The following CAMKMT variants were observed in gnomAD, a reference collection of about 807,000 sequenced individuals.
CAMKMT encodes the protein CaM KMT.
A neutral mutation model predicts 48.0 loss-of-function variants in CAMKMT; 53 were observed. The observed-to-expected ratio is 1.10, with a 90% CI of 0.89 to 1.39. The LOEUF (loss-of-function observed/expected upper bound fraction) is 1.39, where lower values mean the gene tolerates loss of function less well. Among genes scored for constraint, CAMKMT ranks in the 40% most tolerant of loss-of-function variants. CAMKMT has a pLI of 0.00. For synonymous variants in CAMKMT, 165 were observed against 152.3 expected (o/e 1.08, Z -0.61); for missense variants, 428 against 402.7 (o/e 1.06, Z -0.54).
At chr2:44,711,066 T>G (rs1197443775) in intron 6 of CAMKMT, among the ~76,000 whole-genome samples, 3 of 152,128 alleles carry the variant, frequency 2.0e-5, no homozygotes, top group African/African-American at 7.2e-5. Context: ...ATCCCTGACT[T>G]GAGTAACTAA....
chr2:44,433,897 A>G (rs972004947), intron 3 of CAMKMT, among the ~76,000 whole-genome samples: 4 of 152,138 alleles, frequency 2.6e-5, no homozygotes, highest in Non-Finnish European at 4.4e-5. Context: ...TACCAAATAC[A>G]TTCATCTGTC....
intron 3 of CAMKMT, among the ~76,000 whole-genome samples, chr2:44,411,231 A>G (rs1207535526): frequency 1.3e-5 from 2 of 152,292 alleles, no homozygotes; most frequent in Admixed American, 6.5e-5. Flanking sequence ...TATTTTTGTG[A>G]GTAATATTCT....
chr2:44,551,637 G>A (rs1667721377), intron 3 of CAMKMT, among the ~76,000 whole-genome samples: 1 of 152,136 alleles, frequency 6.6e-6, no homozygotes, highest in South Asian at 2.1e-4. Flanking sequence ...CTATACCAAA[G>A]TATGCTTTTT....
intron 3 of CAMKMT, among the ~76,000 whole-genome samples, chr2:44,531,434 C>T (rs1025031881): frequency 6.6e-6 from 1 of 152,106 alleles, no homozygotes. Context: ...TTTTAAGGTT[C>T]TTTAAATATC....
At chr2:44,710,116 A>C (rs890409718) in intron 6 of CAMKMT, among the ~76,000 whole-genome samples, 4 of 151,826 alleles carry the variant, frequency 2.6e-5, no homozygotes. Flanking sequence ...TTAAAAAAAA[A>C]AACAGCATTT....
At position 44,505,172 on chromosome 2, in the gene CAMKMT, T is replaced by C. The variant is rs538865271; in HGVS notation, c.376+114867T>C. Among the ~76,000 whole-genome samples the C allele has an allele frequency of 2.6e-5, 4 of 152,282 alleles. No homozygotes were observed. The East Asian group carries it at 7.7e-4, about 29-fold the overall frequency. ...CCCACCTCCAACACTGGGGATCAGA[T>C]TTCAACATGAGATTTGGAGGGGTCA... On this transcript the variant is annotated intron_variant, in intron 3 of 10. Transcript: ENST00000378494.
chr2:44,589,909 G>C (rs61579727), intron 3 of CAMKMT, among the ~76,000 whole-genome samples: 4 of 58,170 alleles, frequency 6.9e-5, no homozygotes, highest in Admixed American at 2.0e-4. Context: ...AAAAAAAAAA[G>C]AACGAAAAAA....
chr2:44,728,529 G>C (rs962722798), intron 7 of CAMKMT, among the ~76,000 whole-genome samples: 3 of 152,184 alleles, frequency 2.0e-5, no homozygotes, highest in Non-Finnish European at 4.4e-5. Context: ...GCAGAATTCA[G>C]CTGTGAATCC....
chr2:44,700,623 A>T (rs904969437), intron 3 of CAMKMT, among the ~76,000 whole-genome samples: 2 of 152,212 alleles, frequency 1.3e-5, no homozygotes, highest in African/African-American at 4.8e-5. Flanking sequence ...AGATTTATTG[A>T]TTAAGTTTGC....
chr2:44,440,541 T>C (rs1666587065), intron 3 of CAMKMT, among the ~76,000 whole-genome samples: 2 of 152,168 alleles, frequency 1.3e-5, no homozygotes, highest in African/African-American at 4.8e-5. Flanking sequence ...ACTAACTCTA[T>C]GGCTTTTTAA....
intron 3 of CAMKMT, among the ~76,000 whole-genome samples, chr2:44,409,861 C>T (rs999690715): frequency 6.6e-6 from 1 of 151,922 alleles, no homozygotes; most frequent in African/African-American, 2.4e-5. Flanking sequence ...TTCAGTTAAC[C>T]AATATTTACC....
intron 3 of CAMKMT, among the ~76,000 whole-genome samples, chr2:44,701,581 T>A (rs1045395610): frequency 2.6e-5 from 4 of 152,166 alleles, no homozygotes; most frequent in Non-Finnish European, 5.9e-5. Context: ...GAGAAAACCA[T>A]AGGTTGGGAA....
At chr2:44,542,230 G>A (rs1667152496) in intron 3 of CAMKMT, among the ~76,000 whole-genome samples, 1 of 151,908 alleles carries the variant, frequency 6.6e-6, no homozygotes, top group South Asian at 2.1e-4. Flanking sequence ...ATACTGTTTG[G>A]TGCTTAAGGA....
intron 7 of CAMKMT, among the ~76,000 whole-genome samples, chr2:44,736,888 T>C (rs1294224384): frequency 6.6e-6 from 1 of 152,220 alleles, no homozygotes; most frequent in African/African-American, 2.4e-5. Flanking sequence ...TACCTGATTC[T>C]TAGAATATAT....
At chr2:44,715,440 C>T in intron 7 of CAMKMT, 87 bp downstream of exon 7, 2 of 957,504 alleles carry the variant, frequency 2.1e-6, no homozygotes, top group Non-Finnish European at 3.3e-6. Context: ...TAATAGCTAA[C>T]ATTTATTGAG....
intron 3 of CAMKMT, among the ~76,000 whole-genome samples, chr2:44,679,004 T>A (rs1675872349): frequency 6.6e-6 from 1 of 152,198 alleles, no homozygotes; most frequent in South Asian, 2.1e-4. Flanking sequence ...GTTAAGTTGA[T>A]TTGGTCCCAA....
intron 8 of CAMKMT, among the ~76,000 whole-genome samples, chr2:44,747,382 G>C (rs188076085): frequency 1.3e-5 from 2 of 152,040 alleles, no homozygotes; most frequent in East Asian, 3.9e-4. Flanking sequence ...CACAACTCAC[G>C]GAAGTTTACA....
chr2:44,397,412 A>G (rs759580627), intron 3 of CAMKMT, among the ~76,000 whole-genome samples: 1 of 152,230 alleles, frequency 6.6e-6, no homozygotes, highest in Non-Finnish European at 1.5e-5. Flanking sequence ...GGTATGCAGC[A>G]TGGCAGTGGA....
At position 44,502,480 on chromosome 2, in the gene CAMKMT, T is replaced by G. The variant is rs993703001; in HGVS notation, c.376+112175T>G. 2.0e-5 allele frequency among the ~76,000 whole-genome samples: 3 copies of G among 152,322 alleles called. No individual in the cohort carries two copies. In the South Asian group the frequency reaches 6.2e-4, roughly 32 times the overall value. The stretch of plus-strand genomic sequence containing the variant: ...GGCCAGTGCTTTATTTCAGTTTCAC[T>G]GTGTCCATTCTCTAGAAATTAATCT... On this transcript the variant is annotated intron_variant, in intron 3 of 10. Transcript: ENST00000378494.
Sources: allele counts gnomAD v4.1 joint callset (sites outside exome capture counted in the v4.1 genomes callset), GRCh38; gene constraint gnomAD v4.1.1; transcripts MANE v1.5; gene names NCBI Gene and HGNC (gene_info 2026-07-23, HGNC 2026-07-21).